CNGA3: variants seen among roughly 807,000 people sequenced by gnomAD.
CNGA3 encodes cyclic nucleotide-gated channel alpha-3.
In CNGA3, 42 loss-of-function variants were observed where a neutral mutation model predicts 46.6. That is an observed-to-expected ratio of 0.90 (90% CI 0.70 to 1.17). The LOEUF is 1.17. Among genes scored for constraint, CNGA3 ranks in the 50% most tolerant of loss-of-function variants. CNGA3 has a pLI of 0.00. For synonymous variants in CNGA3, 394 were observed against 369.4 expected (o/e 1.07, Z -0.76); for missense variants, 893 against 890.7 (o/e 1.00, Z -0.03).
At chr2:98,391,842 A>G (rs745971598) in intron 6 of CNGA3, 22 bp from the exon 7 acceptor site, 6 of 1,610,662 alleles carry the variant, frequency 3.7e-6, no homozygotes, top group African/African-American at 1.3e-5. Flanking sequence ...ACAGCCATCC[A>G]TCTCCCACAT....
At chr2:98,384,487 G>T (rs558884220) in intron 5 of CNGA3, among the ~76,000 whole-genome samples, 1 of 152,242 alleles carries the variant, frequency 6.6e-6, no homozygotes, top group African/African-American at 2.4e-5. Context: ...TTCTCTCTTT[G>T]TTCCTCAGCT....
intron 1 of CNGA3, among the ~76,000 whole-genome samples, chr2:98,349,069 G>A (rs908804105): frequency 7.9e-5 from 12 of 152,214 alleles, no homozygotes; most frequent in African/African-American, 1.2e-4. Flanking sequence ...CTGTGGTGAC[G>A]TATAGACTTG....
At chr2:98,391,488 C>T (rs540900813) in intron 6 of CNGA3, among the ~76,000 whole-genome samples, 5 of 152,250 alleles carry the variant, frequency 3.3e-5, no homozygotes, top group Non-Finnish European at 7.4e-5. Flanking sequence ...GTTAATCTCT[C>T]GGAAATTCTC....
intron 7 of CNGA3, among the ~76,000 whole-genome samples, chr2:98,392,254 G>A (rs1023999394): frequency 2.6e-5 from 4 of 152,192 alleles, no homozygotes; most frequent in African/African-American, 7.2e-5. Context: ...CCTTGTTCTT[G>A]TCACCTCTGA....
intron 4 of CNGA3, 37 bp from the exon 5 acceptor site, chr2:98,383,351 A>G: frequency 6.2e-7 from 1 of 1,605,784 alleles, no homozygotes; most frequent in Non-Finnish European, 8.5e-7. Context: ...ATGGAAACAG[A>G]GTTCAGACCC....
At chr2:98,353,731 G>T (rs549238650) in intron 1 of CNGA3, among the ~76,000 whole-genome samples, 19 of 152,184 alleles carry the variant, frequency 1.2e-4, no homozygotes, top group Non-Finnish European at 2.5e-4. Context: ...AAGAAAAGAG[G>T]TTTACTCAGC....
chr2:98,370,849 C>T (rs541804321), intron 2 of CNGA3, among the ~76,000 whole-genome samples: 33 of 152,124 alleles, frequency 2.2e-4, no homozygotes, highest in Admixed American at 1.9e-3. Flanking sequence ...TTTTGTTTTT[C>T]GTGACAGAGT....
chr2:98,364,282 C>G (rs10166248), intron 1 of CNGA3, among the ~76,000 whole-genome samples: 63,061 of 151,890 alleles, frequency 0.42, 13,919 homozygotes, highest in Non-Finnish European at 0.5. Context: ...GGAGACTGAG[C>G]TAGGAGAATC....
chr2:98,348,330 T>C (rs1231582380), intron 1 of CNGA3, among the ~76,000 whole-genome samples: 1 of 152,242 alleles, frequency 6.6e-6, no homozygotes, highest in African/African-American at 2.4e-5. Flanking sequence ...CACTTGCCTT[T>C]GATGCTCCTG....
At chr2:98,368,698 G>A (rs763656853) in intron 1 of CNGA3, among the ~76,000 whole-genome samples, 1 of 152,204 alleles carries the variant, frequency 6.6e-6, no homozygotes, top group Non-Finnish European at 1.5e-5. Context: ...CAGGAGACCA[G>A]AGTTTTATTA....
intron 1 of CNGA3, among the ~76,000 whole-genome samples, chr2:98,361,322 C>T (rs941610677): frequency 4.6e-5 from 7 of 152,146 alleles, no homozygotes; most frequent in African/African-American, 1.7e-4. Context: ...AGGATAATGG[C>T]TTCCAGCTCC....
At chr2:98,370,909 C>T (rs1468650241) in intron 2 of CNGA3, among the ~76,000 whole-genome samples, 1 of 152,166 alleles carries the variant, frequency 6.6e-6, no homozygotes, top group Non-Finnish European at 1.5e-5. Flanking sequence ...AGTGCAATCT[C>T]GGCTCACTGG....
rs563833272 is a variant in CNGA3 at position 98,377,133 on chromosome 2, G to A, written c.102-554G>A. ...ATGTGGAGAGCTAGGCCAGTTCTGT[G>A]CAATATTCCAGGGCCTCCGTGTTAA... On this transcript the variant is annotated intron_variant, in intron 2 of 7. Coordinates refer to ENST00000272602, the MANE Select transcript of CNGA3 (RefSeq NM_001298.3). Among the ~76,000 whole-genome samples the A allele has an allele frequency of 2.6e-5, 4 of 152,342 alleles. No homozygotes were observed. The East Asian group carries it at 7.7e-4, about 29-fold the overall frequency.
At position 98,396,821 on chromosome 2, in the gene CNGA3, A is replaced by G. The variant is rs1245466170; in HGVS notation, c.1651A>G (p.Ser551Gly). The change falls in exon 8 of 8, where the codon AGC becomes GGC. Residue 551 changes from serine to glycine, a missense_variant. Physicochemically the swap from Ser to Gly is moderately conservative, Grantham distance 56. This residue lies in a region of CNGA3 where 548 missense variants were observed against 570.8 expected (regional missense o/e 0.96). Coordinates refer to ENST00000272602, the MANE Select transcript of CNGA3 (RefSeq NM_001298.3). ...CGATGGCAGCTACTTCGGGGAGATC[A>G]GCATTCTGAACATCAAGGGGAGCAA... ...LSDGSYFGEI[S>G]ILNIKGSKSG... 1.9e-6 allele frequency: 3 copies of G among 1,614,092 alleles called. No homozygotes were observed. The highest frequency in any genetic ancestry group is 1.3e-5 in the African/African-American group (1 of 74,940).
In CNGA3 at chr2:98,380,322, G is replaced by A; in HGVS notation, c.363G>A (p.Val121=). Residue 121 remains valine (V), a synonymous_variant, in exon 4 of 8, where the codon GTG becomes GTA. Coordinates refer to ENST00000272602, the MANE Select transcript of CNGA3 (RefSeq NM_001298.3). The part of the protein sequence containing the change: ...SSQESNAQAN[V]GSQEPADRGR... ...AAGAAAGCAATGCCCAGGCAAATGTGGGCAGCCAGGAGCCAGCAGACAGAG... is the reference window on the plus strand; with the variant it reads ...AAGAAAGCAATGCCCAGGCAAATGTAGGCAGCCAGGAGCCAGCAGACAGAG... The A allele has an allele frequency of 6.2e-7, 1 of 1,614,170 alleles. No individual in the cohort carries two copies. The highest frequency in any genetic ancestry group is 8.5e-7 in the Non-Finnish European group (1 of 1,180,022).
intron 5 of CNGA3, 59 bp from the exon 6 acceptor site, chr2:98,389,599 C>G: frequency 6.7e-7 from 1 of 1,495,248 alleles, no homozygotes; most frequent in Non-Finnish European, 9.3e-7. Flanking sequence ...CTCTCTAAAA[C>G]CCTCCAAAGC....
At chr2:98,390,126 C>T (rs571175869) in intron 6 of CNGA3, among the ~76,000 whole-genome samples, 104 of 151,640 alleles carry the variant, frequency 6.9e-4, no homozygotes, top group African/African-American at 2.4e-3. Context: ...CAGGGGCAAG[C>T]TGCTACTATT....
At chr2:98,374,108 T>C (rs1046283823) in intron 2 of CNGA3, among the ~76,000 whole-genome samples, 3 of 152,132 alleles carry the variant, frequency 2.0e-5, no homozygotes, top group Non-Finnish European at 4.4e-5. Flanking sequence ...TACTCTCATG[T>C]CCCCAAAACT....
At chr2:98,386,218 A>G (rs1219101732) in intron 5 of CNGA3, among the ~76,000 whole-genome samples, 3 of 152,218 alleles carry the variant, frequency 2.0e-5, no homozygotes, top group Non-Finnish European at 4.4e-5. Flanking sequence ...TAGAACCTGT[A>G]AACAGGTTAC....
Sources: gnomAD v4.1 joint callset for allele counts (sites outside exome capture counted in the v4.1 genomes callset) on GRCh38, gnomAD v4.1.1 for gene constraint, gnomAD v4.1.1 regional missense constraint, MANE v1.5 for transcripts, NCBI Gene and HGNC (gene_info 2026-07-23, HGNC 2026-07-21) for gene names.